STK32B: variants seen among roughly 807,000 people sequenced by gnomAD.
STK32B encodes the protein serine/threonine-protein kinase 32B.
Under a neutral mutation model 52.6 loss-of-function variants are expected in STK32B, and 43 were observed. The ratio of observed to expected loss-of-function variants is 0.82; its 90% confidence interval spans 0.64 to 1.05. STK32B has a LOEUF of 1.05. STK32B is among the 50% of genes least tolerant of loss of function. The pLI is 0.00. For synonymous variants in STK32B, 238 were observed against 204.3 expected (o/e 1.17, Z -1.41); for missense variants, 621 against 534.6 (o/e 1.16, Z -1.59).
intron 1 of STK32B, among the ~76,000 whole-genome samples, chr4:5,136,772 AC>A (rs1290705114): frequency 6.6e-6 from 1 of 152,162 alleles, no homozygotes; most frequent in African/African-American, 2.4e-5. Flanking sequence ...CCAAGTGTTA[AC>A]TTTTCACTTA....
At chr4:5,300,487 A>AAATTATCTCTCTTTAC (rs1667244046) in intron 3 of STK32B, among the ~76,000 whole-genome samples, 1 of 152,216 alleles carries the variant, frequency 6.6e-6, no homozygotes, top group Admixed American at 6.6e-5. Context: ...AGAGGAAGTC[A>AAATTATCTCTCTTTAC]AATTATCTCT....
intron 3 of STK32B, among the ~76,000 whole-genome samples, chr4:5,298,708 A>C (rs1009133666): frequency 6.6e-6 from 1 of 151,868 alleles, no homozygotes; most frequent in Admixed American, 6.6e-5. Context: ...AAGCCATTGG[A>C]TCTTAGCTTG....
At chr4:5,052,517 C>G (rs1352356630) in intron 1 of STK32B, among the ~76,000 whole-genome samples, 1 of 152,162 alleles carries the variant, frequency 6.6e-6, no homozygotes, top group African/African-American at 2.4e-5. Flanking sequence ...CGCATCTCAA[C>G]TTCCTGGCTG....
intron 5 of STK32B, among the ~76,000 whole-genome samples, chr4:5,405,523 G>A (rs557552333): frequency 6.6e-6 from 1 of 152,260 alleles, no homozygotes; most frequent in Admixed American, 6.5e-5. Context: ...CTGCTGTGAA[G>A]AACTACCTGA....
intron 1 of STK32B, among the ~76,000 whole-genome samples, chr4:5,110,112 C>T (rs1453447116): frequency 6.6e-6 from 1 of 151,438 alleles, no homozygotes. Flanking sequence ...ACAATGCAAA[C>T]AAATGGAAAA....
intron 3 of STK32B, among the ~76,000 whole-genome samples, chr4:5,262,798 T>C (rs183699061): frequency 6.6e-6 from 1 of 152,216 alleles, no homozygotes; most frequent in Non-Finnish European, 1.5e-5. Context: ...TTATAATCAT[T>C]GCAGAGCTTA....
At chr4:5,097,273 G>A (rs574713488) in intron 1 of STK32B, among the ~76,000 whole-genome samples, 24 of 152,324 alleles carry the variant, frequency 1.6e-4, no homozygotes, top group African/African-American at 3.8e-4. Context: ...TTTATTGAAT[G>A]AATGAATGAT....
At chr4:5,111,791 G>A (rs933693556) in intron 1 of STK32B, among the ~76,000 whole-genome samples, 2 of 152,068 alleles carry the variant, frequency 1.3e-5, no homozygotes, top group Non-Finnish European at 2.9e-5. Context: ...GGACCTCCTT[G>A]ATGATTCTAT....
intron 3 of STK32B, among the ~76,000 whole-genome samples, chr4:5,313,646 T>A (rs944652195): frequency 6.6e-6 from 1 of 152,160 alleles, no homozygotes; most frequent in Admixed American, 6.6e-5. Context: ...AACTAAGAAG[T>A]ACATATGTGT....
At chr4:5,222,915 A>C (rs1298061134) in intron 3 of STK32B, among the ~76,000 whole-genome samples, 1 of 152,214 alleles carries the variant, frequency 6.6e-6, no homozygotes, top group Non-Finnish European at 1.5e-5. Context: ...ATTCACAAAG[A>C]TAATAGAAGA....
chr4:5,432,495 G>C (rs1032626901), intron 6 of STK32B: 3 of 152,178 alleles, frequency 2.0e-5, no homozygotes. Context: ...GGAATAGCAA[G>C]GAACTTGATG....
chr4:5,230,178 CTTTTTTTTT>C (rs752036100), intron 3 of STK32B, among the ~76,000 whole-genome samples: 17 of 71,122 alleles, frequency 2.4e-4, no homozygotes, highest in East Asian at 7.3e-4. Context: ...CATGCATTCC[CTTTTTTTTT>C]TTTTTTTTTT....
At chr4:5,328,322 C>T (rs892932360) in intron 3 of STK32B, among the ~76,000 whole-genome samples, 2 of 152,186 alleles carry the variant, frequency 1.3e-5, no homozygotes, top group African/African-American at 4.8e-5. Flanking sequence ...TAGCTTTCAG[C>T]CTATCTTGGC....
At chr4:5,127,984 A>G (rs560130194) in intron 1 of STK32B, among the ~76,000 whole-genome samples, 18 of 152,316 alleles carry the variant, frequency 1.2e-4, no homozygotes, top group Non-Finnish European at 2.4e-4. Flanking sequence ...GTCACCTTCC[A>G]CCATGATTGT....
intron 6 of STK32B, among the ~76,000 whole-genome samples, chr4:5,431,326 C>T (rs1426346484): frequency 6.6e-6 from 1 of 152,074 alleles, no homozygotes; most frequent in East Asian, 1.9e-4. Flanking sequence ...ACATTAATTG[C>T]CTTGGATAAA....
In STK32B at chr4:5,380,069, C is replaced by T. The variant is rs1735842232; in HGVS notation, c.435-18138C>T. Among the ~76,000 whole-genome samples the T allele has an allele frequency of 6.6e-6, 1 of 152,160 alleles. No homozygotes were observed. The highest frequency in any genetic ancestry group is 2.1e-4 in the South Asian group (1 of 4,824). ...CCACTGCCTCGATCACGGGGCTATG[C>T]TCACTGTGCAGAGCATCTCCCCAGC... On this transcript the variant is annotated intron_variant, in intron 4 of 11. Coordinates refer to ENST00000282908, the MANE Select transcript of STK32B (RefSeq NM_018401.3). This position sits in a 1 kb window ranked among gnomAD's most constrained non-coding sequence, Gnocchi z 4.3.
intron 1 of STK32B, among the ~76,000 whole-genome samples, chr4:5,082,282 A>G (rs1712482852): frequency 6.6e-6 from 1 of 152,188 alleles, no homozygotes; most frequent in Non-Finnish European, 1.5e-5. Flanking sequence ...TCAGCTGTCT[A>G]CATGTGCTCA....
At chr4:5,145,048 A>C (rs1365176476) in intron 2 of STK32B, among the ~76,000 whole-genome samples, 3 of 152,144 alleles carry the variant, frequency 2.0e-5, no homozygotes, top group Non-Finnish European at 2.9e-5. Context: ...GCCTAATTCA[A>C]ACTTCAAAAG....
chr4:5,483,549 C>T (rs866489923), intron 11 of STK32B, among the ~76,000 whole-genome samples: 3 of 152,126 alleles, frequency 2.0e-5, no homozygotes, highest in African/African-American at 7.2e-5. Context: ...CTCCTGGATT[C>T]ATTGATTTTT....
Sources: gnomAD v4.1 joint callset for allele counts (sites outside exome capture counted in the v4.1 genomes callset) on GRCh38, gnomAD v4.1.1 for gene constraint, Gnocchi (gnomAD v3.1) non-coding constraint, MANE v1.5 for transcripts, NCBI Gene and HGNC (gene_info 2026-07-23, HGNC 2026-07-21) for gene names.